Variants in GPC3 observed in about 807,000 individuals in gnomAD.
GPC3 encodes the protein glypican-3.
Under a neutral mutation model 34.4 loss-of-function variants are expected in GPC3, and 3 were observed. The ratio of observed to expected loss-of-function variants is 0.09; its 90% CI spans 0.04 to 0.23. The LOEUF (loss-of-function observed/expected upper bound fraction) is 0.23, where lower values mean the gene tolerates loss of function less well. Ranked by LOEUF, GPC3 falls within the 10% of genes least tolerant of loss-of-function variation. GPC3 has a pLI of 1.00. For synonymous variants in GPC3, 177 were observed against 174.0 expected, an observed-to-expected ratio of 1.02 and a Z score of -0.13; for missense variants, 351 against 445.6, an observed-to-expected ratio of 0.79 and a Z score of 1.91.
At chrX:133,866,598 C>G (rs1373198694) in intron 2 of GPC3, among the ~76,000 whole-genome samples, 2 of 112,156 alleles carry the variant, frequency 1.8e-5, no homozygotes, top group Non-Finnish European at 3.8e-5. Flanking sequence ...AACATGTTAA[C>G]TCATTCATAA....
intron 3 of GPC3, among the ~76,000 whole-genome samples, chrX:133,708,980 T>C (rs1191226225): frequency 8.9e-6 from 1 of 112,376 alleles, no homozygotes; most frequent in Non-Finnish European, 1.9e-5. Context: ...ATTGTTTCAG[T>C]ACAATTTGTT....
intron 7 of GPC3, among the ~76,000 whole-genome samples, chrX:133,571,999 T>C (rs763329940): frequency 2.1e-4 from 23 of 111,969 alleles, no homozygotes; most frequent in Non-Finnish European, 4.1e-4. Flanking sequence ...AGCTTCATAT[T>C]AATCCTGTAG....
intron 7 of GPC3, among the ~76,000 whole-genome samples, chrX:133,593,327 T>C (rs1169492040): frequency 3.8e-5 from 2 of 51,975 alleles, no homozygotes; most frequent in Non-Finnish European, 6.5e-5. Flanking sequence ...AGTGAGACTG[T>C]CTCAAAAAAA....
chrX:133,696,882 C>G (rs2071123529), intron 4 of GPC3, among the ~76,000 whole-genome samples: 1 of 112,618 alleles, frequency 8.9e-6, no homozygotes, highest in Non-Finnish European at 1.9e-5. Context: ...TTACGACAGC[C>G]TGCTCAGGAA....
chrX:133,584,011 T>C (rs2069758911), intron 7 of GPC3, among the ~76,000 whole-genome samples: 1 of 111,767 alleles, frequency 8.9e-6, no homozygotes, highest in African/African-American at 3.3e-5. Context: ...AAACACCCTA[T>C]GTTTCACATG....
chrX:133,857,098 T>C lies in GPC3; in HGVS notation c.337+95952A>G, dbSNP rs763925893. ...AGCAATCTCACCCATTCTCATTTCT[T>C]TTCTTATCATCTCTCTACAGACGAC... is the stretch of plus-strand genomic sequence containing the variant. On this transcript the variant is annotated intron_variant, in intron 2 of 7. Transcript: ENST00000370818. Among the ~76,000 whole-genome samples, 983 of 111,462 alleles carry C rather than the reference T, an allele frequency of 8.8e-3. 6 individuals are homozygous for C. Among genetic ancestry groups the C allele is most frequent in the Non-Finnish European group, 0.013 (710 of 53,045 alleles).
chrX:133,908,670 A>G (rs747762673), intron 2 of GPC3, among the ~76,000 whole-genome samples: 1 of 111,494 alleles, frequency 9.0e-6, no homozygotes, highest in African/African-American at 3.3e-5. Flanking sequence ...CTTGAACATA[A>G]TACTCCAGAT....
intron 3 of GPC3, among the ~76,000 whole-genome samples, chrX:133,743,485 G>C (rs1194609964): frequency 8.9e-6 from 1 of 112,379 alleles, no homozygotes; most frequent in Non-Finnish European, 1.9e-5. Flanking sequence ...AAAATGCATG[G>C]GCATAAGAGG....
At chrX:133,536,633 G>A (rs1311319094) in intron 7 of GPC3, among the ~76,000 whole-genome samples, 1 of 110,431 alleles carries the variant, frequency 9.1e-6, no homozygotes, top group African/African-American at 3.3e-5. Flanking sequence ...TCCCAGGCAA[G>A]GTTTTGCTTG....
At chrX:133,846,556 A>T (rs895479055) in intron 2 of GPC3, among the ~76,000 whole-genome samples, 7 of 111,954 alleles carry the variant, frequency 6.3e-5, no homozygotes, top group Non-Finnish European at 1.1e-4. Context: ...CACAGTCATC[A>T]TAAATTTATT....
chrX:133,627,231 T>A (rs1438676074), intron 6 of GPC3, among the ~76,000 whole-genome samples: 1 of 106,293 alleles, frequency 9.4e-6, no homozygotes, highest in Non-Finnish European at 1.9e-5. Flanking sequence ...AGTCAATGGG[T>A]GCAGCACACC....
At chrX:133,884,707 G>T (rs2076055368) in intron 2 of GPC3, among the ~76,000 whole-genome samples, 1 of 111,606 alleles carries the variant, frequency 9.0e-6, no homozygotes, top group South Asian at 3.8e-4. Context: ...TTTCCTGAAT[G>T]AAAATGATGT....
chrX:133,538,784 T>C lies in GPC3; in HGVS notation c.1574-2491A>G, dbSNP rs768259619. On this transcript the variant is annotated intron_variant, in intron 7 of 7. Transcript: ENST00000370818. ...CCAGGGCTCAAGCAATCCTCCCACA[T>C]TGGCCTCCCAAGTAGCTGGGGCCAT... is the stretch of plus-strand genomic sequence containing the variant. Among the ~76,000 whole-genome samples the C allele has an allele frequency of 4.2e-4, 44 of 104,815 alleles. 1 individual carries two copies. The highest frequency in any genetic ancestry group is 8.0e-4 in the Non-Finnish European group (41 of 51,239). The allele number at this position is 104,815 out of a possible 115,157, so 91.0% of individuals were successfully genotyped here. A position where few individuals can be genotyped will look rare whatever the true frequency, so the allele number is the denominator to read the frequency against.
At chrX:133,920,819 A>G (rs187052013) in intron 2 of GPC3, among the ~76,000 whole-genome samples, 2 of 111,866 alleles carry the variant, frequency 1.8e-5, no homozygotes, top group African/African-American at 6.5e-5. Flanking sequence ...AGAGTTGCAA[A>G]ATTAGTTTCA....
intron 7 of GPC3, among the ~76,000 whole-genome samples, chrX:133,559,341 C>T (rs1231316456): frequency 1.2e-5 from 1 of 86,124 alleles, no homozygotes; most frequent in Non-Finnish European, 1.9e-5. Flanking sequence ...TGACACATGG[C>T]ATAGGTGTTA....
At chrX:133,948,973 C>T (rs1218300830) in intron 2 of GPC3, among the ~76,000 whole-genome samples, 1 of 112,076 alleles carries the variant, frequency 8.9e-6, no homozygotes, top group African/African-American at 3.2e-5. Flanking sequence ...ATAATGCATG[C>T]ATATGGTGTT....
chrX:133,693,845 C>A (rs1158074058), intron 4 of GPC3, among the ~76,000 whole-genome samples: 1 of 111,475 alleles, frequency 9.0e-6, no homozygotes, highest in African/African-American at 3.3e-5. Context: ...GGAGGTGGTG[C>A]CTTTTAGAGG....
intron 6 of GPC3, among the ~76,000 whole-genome samples, chrX:133,628,482 C>G (rs2070330769): frequency 9.1e-6 from 1 of 110,193 alleles, no homozygotes; most frequent in African/African-American, 3.3e-5. Context: ...ATGAGGAAAC[C>G]CTGTCTCTAC....
chrX:133,863,144 A>C (rs2124568860), intron 2 of GPC3, among the ~76,000 whole-genome samples: 1 of 112,860 alleles, frequency 8.9e-6, no homozygotes, highest in Non-Finnish European at 1.9e-5. Flanking sequence ...CTCATGTAGA[A>C]AATGACAGCT....
Sources: allele counts gnomAD v4.1 joint callset (sites outside exome capture counted in the v4.1 genomes callset), GRCh38; gene constraint gnomAD v4.1.1; transcripts MANE v1.5; gene names NCBI Gene and HGNC (gene_info 2026-07-23, HGNC 2026-07-21).